Variants in CTNNA2 observed in about 807,000 individuals in gnomAD.
CTNNA2 encodes catenin alpha-2.
CTNNA2 carries 42 observed loss-of-function variants against 101.0 expected under a neutral mutation model. The observed-to-expected ratio is 0.42, with a 90% CI of 0.32 to 0.54. The LOEUF is 0.54. CTNNA2 is among the 20% of genes least tolerant of loss of function. The probability of loss-of-function intolerance (pLI) is 0.14; values close to 1 mark genes in which losing one functional copy is unlikely to be tolerated. For missense variants in CTNNA2, 871 were observed against 1,223.1 expected, an observed-to-expected ratio of 0.71 and a Z score of 4.29; for synonymous variants, 450 against 456.4, an observed-to-expected ratio of 0.99 and a Z score of 0.18.
intron 7 of CTNNA2, among the ~76,000 whole-genome samples, chr2:80,372,670 T>C (rs1339580505): frequency 6.6e-6 from 1 of 150,500 alleles, no homozygotes; most frequent in Non-Finnish European, 1.5e-5. Context: ...TATCTCTTCA[T>C]TGGGAAAACA....
chr2:80,644,305 T>TAGTA (rs1673822509), intron 18 of CTNNA2, among the ~76,000 whole-genome samples: 1 of 152,194 alleles, frequency 6.6e-6, no homozygotes, highest in African/African-American at 2.4e-5. Flanking sequence ...GTCAGGCGTC[T>TAGTA]AGTAAGTGCT....
At chr2:79,488,243 G>A (rs528123222) in intron 4 of CTNNA2, among the ~76,000 whole-genome samples, 39 of 151,240 alleles carry the variant, frequency 2.6e-4, no homozygotes, top group African/African-American at 8.0e-4. Context: ...ACTTGAATTC[G>A]GGAGGCAGTG....
At chr2:80,242,635 G>T (rs760476227) in intron 7 of CTNNA2, among the ~76,000 whole-genome samples, 8 of 152,178 alleles carry the variant, frequency 5.3e-5, no homozygotes, top group Non-Finnish European at 8.8e-5. Flanking sequence ...AGCAGGAAAC[G>T]TTTACATCTG....
intron 3 of CTNNA2, among the ~76,000 whole-genome samples, chr2:79,814,638 C>CACACACACAT (rs145584853): frequency 4.0e-4 from 59 of 147,064 alleles, no homozygotes; most frequent in African/African-American, 1.4e-3. Flanking sequence ...CACACACACA[C>CACACACACAT]ATATATATAT....
chr2:80,114,254 T>C (rs1489564407), intron 7 of CTNNA2, among the ~76,000 whole-genome samples: 2 of 152,208 alleles, frequency 1.3e-5, no homozygotes, highest in Non-Finnish European at 2.9e-5. Flanking sequence ...TAGGAATCGG[T>C]TGGGTTCCTG....
chr2:79,634,854 CAAAGACTTAAGATGCACAATTGGCAA>C (rs1476205360), intron 1 of CTNNA2, among the ~76,000 whole-genome samples: 1 of 152,148 alleles, frequency 6.6e-6, no homozygotes, highest in African/African-American at 2.4e-5. Flanking sequence ...CTAGAGTTCA[CAAAGACTTAAGATGCACAATTGGCAA>C]ATACTGAGTA....
At chr2:80,636,295 C>T (rs1206262834) in intron 18 of CTNNA2, among the ~76,000 whole-genome samples, 1 of 152,080 alleles carries the variant, frequency 6.6e-6, no homozygotes, top group Non-Finnish European at 1.5e-5. Context: ...ATGGCAGGTG[C>T]TGGCTTCAGT....
intron 3 of CTNNA2, among the ~76,000 whole-genome samples, chr2:79,342,838 G>A (rs912058497): frequency 1.3e-5 from 2 of 152,154 alleles, no homozygotes; most frequent in African/African-American, 4.8e-5. Flanking sequence ...GAGTCTGAAA[G>A]GATCAGATGG....
At chr2:79,821,390 G>A (rs550223152) in intron 3 of CTNNA2, among the ~76,000 whole-genome samples, 1 of 152,082 alleles carries the variant, frequency 6.6e-6, no homozygotes, top group South Asian at 2.1e-4. Context: ...TTAATTTCAT[G>A]TAGAGACATG....
chr2:80,566,931 C>T (rs937517063), intron 12 of CTNNA2, among the ~76,000 whole-genome samples: 1 of 152,078 alleles, frequency 6.6e-6, no homozygotes, highest in Non-Finnish European at 1.5e-5. Flanking sequence ...AACCAAGATT[C>T]GAGTGCATGT....
chr2:79,586,485 CCTT>C (rs1676494619), intron 1 of CTNNA2, among the ~76,000 whole-genome samples: 1 of 151,368 alleles, frequency 6.6e-6, no homozygotes, highest in Admixed American at 6.6e-5. Context: ...TTCTACAAAG[CCTT>C]CTTCTTTTAG....
At chr2:80,403,003 C>CA (rs1678705083) in intron 8 of CTNNA2, among the ~76,000 whole-genome samples, 1 of 151,556 alleles carries the variant, frequency 6.6e-6, no homozygotes, top group Non-Finnish European at 1.5e-5. Context: ...TAGGGGCTAC[C>CA]AAAAAGCTCA....
At chr2:79,723,929 C>T (rs1686648258) in intron 2 of CTNNA2, among the ~76,000 whole-genome samples, 1 of 152,172 alleles carries the variant, frequency 6.6e-6, no homozygotes, top group Non-Finnish European at 1.5e-5. Flanking sequence ...TTGAATCCTG[C>T]CTCTAGATCC....
At chr2:79,815,267 T>C (rs1000472811) in intron 3 of CTNNA2, among the ~76,000 whole-genome samples, 3 of 152,238 alleles carry the variant, frequency 2.0e-5, no homozygotes, top group African/African-American at 7.2e-5. Flanking sequence ...AAAAGCTCTT[T>C]AGTTTAATTA....
At chr2:80,054,200 G>A (rs984707502) in intron 7 of CTNNA2, among the ~76,000 whole-genome samples, 4 of 152,212 alleles carry the variant, frequency 2.6e-5, no homozygotes, top group Admixed American at 2.6e-4. Flanking sequence ...TATGTCCTAA[G>A]TGGTTGGGCG....
intron 12 of CTNNA2, among the ~76,000 whole-genome samples, chr2:80,557,733 A>G (rs556417866): frequency 6.6e-6 from 1 of 152,322 alleles, no homozygotes; most frequent in South Asian, 2.1e-4. Context: ...TGACAACAGG[A>G]GTGCCACTTA....
intron 3 of CTNNA2, among the ~76,000 whole-genome samples, chr2:79,839,789 A>G (rs1212531913): frequency 2.0e-5 from 3 of 151,984 alleles, no homozygotes; most frequent in Non-Finnish European, 4.4e-5. Flanking sequence ...TTCAAGTCCT[A>G]TTCTAGTTCT....
intron 3 of CTNNA2, among the ~76,000 whole-genome samples, chr2:79,839,594 T>A (rs1679648802): frequency 6.6e-6 from 1 of 152,076 alleles, no homozygotes; most frequent in Non-Finnish European, 1.5e-5. Flanking sequence ...GTATTTTTTC[T>A]TATTTCCTAT....
At chr2:80,496,706 A>G (rs1573039982) in intron 9 of CTNNA2, among the ~76,000 whole-genome samples, 2 of 152,182 alleles carry the variant, frequency 1.3e-5, no homozygotes, top group Non-Finnish European at 2.9e-5. Flanking sequence ...GATTCTTATT[A>G]TATTAGTGCT....
Sources: gnomAD v4.1 joint callset for allele counts (sites outside exome capture counted in the v4.1 genomes callset) on GRCh38, gnomAD v4.1.1 for gene constraint, MANE v1.5 for transcripts, NCBI Gene and HGNC (gene_info 2026-07-23, HGNC 2026-07-21) for gene names.